CALN1: variants seen among roughly 807,000 people sequenced by gnomAD.
CALN1 encodes calcium-binding protein 8.
CALN1 carries 17 observed loss-of-function variants against 30.6 expected under a neutral mutation model. The observed-to-expected ratio is 0.56, with a 90% CI of 0.38 to 0.83. CALN1 has a LOEUF of 0.83. Among genes scored for constraint, CALN1 ranks in the 40% least tolerant of loss-of-function variants. The pLI, the probability that CALN1 is intolerant of heterozygous loss-of-function variation, is 0.00. For missense variants in CALN1, 291 were observed against 354.9 expected (o/e 0.82, Z 1.45); for synonymous variants, 156 against 131.4 (o/e 1.19, Z -1.28).
At chr7:72,366,610 T>C (rs754376710) in intron 2 of CALN1, among the ~76,000 whole-genome samples, 12 of 152,148 alleles carry the variant, frequency 7.9e-5, no homozygotes, top group Non-Finnish European at 1.3e-4. Context: ...GTACCTAATA[T>C]GTAGTTTTTT....
At chr7:72,466,829 A>G in the CALN1 span, among the ~76,000 whole-genome samples, 4 of 147,504 alleles carry the variant, frequency 2.7e-5, no homozygotes, top group African/African-American at 5.0e-5. Context: ...AAAAGAAAGA[A>G]AGAGAGAGAA....
intron 2 of CALN1, among the ~76,000 whole-genome samples, chr7:72,326,750 T>A (rs1801306975): frequency 6.6e-6 from 1 of 152,204 alleles, no homozygotes; most frequent in South Asian, 2.1e-4. Context: ...TTCTTGGGTT[T>A]ACAAAAATAA....
At chr7:72,189,546 T>C (rs1256803215) in intron 3 of CALN1, among the ~76,000 whole-genome samples, 1 of 152,064 alleles carries the variant, frequency 6.6e-6, no homozygotes, top group Non-Finnish European at 1.5e-5. Context: ...TCCAATTCCA[T>C]TCCATCACTT....
chr7:72,391,636 T>A (rs573183452), intron 2 of CALN1, among the ~76,000 whole-genome samples: 3 of 152,360 alleles, frequency 2.0e-5, no homozygotes, highest in African/African-American at 7.2e-5. Flanking sequence ...TCCCTCATAC[T>A]GTTCTCGTGG....
At chr7:71,857,030 G>GTGTA (rs1312776090) in intron 5 of CALN1, among the ~76,000 whole-genome samples, 87 of 150,152 alleles carry the variant, frequency 5.8e-4, no homozygotes, top group African/African-American at 1.9e-3. Flanking sequence ...GTGTGTGTGT[G>GTGTA]TGTGTGTGTG....
chr7:72,150,889 T>G (rs1787187860), intron 3 of CALN1, among the ~76,000 whole-genome samples: 1 of 151,802 alleles, frequency 6.6e-6, no homozygotes, highest in South Asian at 2.1e-4. Context: ...ATGATGATGA[T>G]GATGATGATG....
rs537270678 is a variant in CALN1, at chr7:72,405,829, T to A, written c.-73-2387A>T. On this transcript the variant is annotated intron_variant, in intron 1 of 6. Transcript: ENST00000395275. ...AATGCATATTTCAAAAAGCAGTAAT[T>A]AGCTCCCCATATGCAAAAACTTCTG... 2.0e-4 allele frequency among the ~76,000 whole-genome samples: 31 copies of A among 152,316 alleles called. No individual in the cohort carries two copies. The South Asian group carries it at 4.1e-3, about 20-fold the overall frequency.
chr7:72,026,628 C>A (rs1015381669), intron 4 of CALN1, among the ~76,000 whole-genome samples: 4 of 151,964 alleles, frequency 2.6e-5, no homozygotes, highest in African/African-American at 9.7e-5. Flanking sequence ...GTTGCCCAGG[C>A]TGGTCTTGAT....
At chr7:72,317,962 G>C (rs1445076130) in intron 2 of CALN1, among the ~76,000 whole-genome samples, 2 of 152,252 alleles carry the variant, frequency 1.3e-5, no homozygotes, top group Middle Eastern at 3.4e-3. Flanking sequence ...CTGTGCAATA[G>C]ATCAAATTCT....
At chr7:71,912,782 A>G (rs987105892) in intron 5 of CALN1, among the ~76,000 whole-genome samples, 1 of 152,208 alleles carries the variant, frequency 6.6e-6, no homozygotes, top group Non-Finnish European at 1.5e-5. Flanking sequence ...TCCATGTCCA[A>G]TGATTCCCTT....
chr7:72,261,513 G>A (rs1224364290), intron 3 of CALN1, among the ~76,000 whole-genome samples: 1 of 151,596 alleles, frequency 6.6e-6, no homozygotes, highest in Non-Finnish European at 1.5e-5. Context: ...CAGCCTCAAA[G>A]TCCTGGGCTT....
chr7:72,205,563 T>TATAC lies in CALN1; in HGVS notation c.244+73122_244+73123insGTAT, dbSNP rs1791793409. ...ATTGCAAAAAAAAAATATATATATA[T>TATAC]ATATGTATATATATATATATATATT... On this transcript the variant is annotated intron_variant, in intron 3 of 6. Transcript: ENST00000395275. Among the ~76,000 whole-genome samples the TATAC allele has an allele frequency of 2.7e-5, 3 of 109,692 alleles. 1 individual carries two copies. The highest frequency in any genetic ancestry group is 1.5e-4 in the African/African-American group (3 of 20,298). The allele number at this position is 109,692 out of a possible 152,430, so 72.0% of individuals were successfully genotyped here.
intron 4 of CALN1, among the ~76,000 whole-genome samples, chr7:72,049,850 C>T (rs1802724023): frequency 6.7e-6 from 1 of 149,598 alleles, no homozygotes; most frequent in African/African-American, 2.5e-5. Context: ...CACTCTGTCA[C>T]CCAGGATAGA....
the CALN1 span, among the ~76,000 whole-genome samples, chr7:72,469,436 AC>A: frequency 6.6e-6 from 1 of 152,162 alleles, no homozygotes; most frequent in Non-Finnish European, 1.5e-5. Flanking sequence ...TGACTCTGTC[AC>A]CCAGGCTGGA....
chr7:72,354,570 T>A (rs1209553629), intron 2 of CALN1, among the ~76,000 whole-genome samples: 1 of 152,056 alleles, frequency 6.6e-6, no homozygotes, highest in Non-Finnish European at 1.5e-5. Context: ...ATCAAGAGAG[T>A]GTGGTTTTGG....
the CALN1 span, among the ~76,000 whole-genome samples, chr7:72,474,877 T>G: frequency 6.6e-6 from 1 of 152,146 alleles, no homozygotes; most frequent in South Asian, 2.1e-4. Flanking sequence ...ATCCTTGACT[T>G]TGCCCAGGCT....
chr7:72,250,183 G>A (rs944675035), intron 3 of CALN1, among the ~76,000 whole-genome samples: 2 of 152,102 alleles, frequency 1.3e-5, no homozygotes, highest in Admixed American at 1.3e-4. Flanking sequence ...TCTAGCCACT[G>A]GCTCCTCCCC....
chr7:72,264,548 C>G (rs1449480247), intron 3 of CALN1, among the ~76,000 whole-genome samples: 1 of 150,920 alleles, frequency 6.6e-6, no homozygotes, highest in African/African-American at 2.4e-5. Flanking sequence ...GGCTGGAGTG[C>G]AGTGGTGCGA....
intron 2 of CALN1, among the ~76,000 whole-genome samples, chr7:72,300,627 G>A (rs972290095): frequency 1.3e-5 from 2 of 152,128 alleles, no homozygotes; most frequent in African/African-American, 4.8e-5. Flanking sequence ...TTACAATCAT[G>A]ATATAGGGAA....
Sources: gnomAD v4.1 joint callset for allele counts (sites outside exome capture counted in the v4.1 genomes callset) on GRCh38, gnomAD v4.1.1 for gene constraint, MANE v1.5 for transcripts, NCBI Gene and HGNC (gene_info 2026-07-23, HGNC 2026-07-21) for gene names.